Variants in PRKN observed in about 807,000 individuals in gnomAD.
PRKN encodes parkin RBR E3 ubiquitin protein ligase, also known as E3 ubiquitin-protein ligase parkin.
Under a neutral mutation model 59.5 loss-of-function variants are expected in PRKN, and 56 were observed. That is an observed-to-expected ratio of 0.94 (90% CI 0.76 to 1.18). PRKN has a LOEUF of 1.18. Ranked by LOEUF, PRKN falls within the 50% of genes most tolerant of loss-of-function variation. The pLI, the probability that PRKN is intolerant of heterozygous loss-of-function variation, is 0.00. For synonymous variants in PRKN, 250 were observed against 222.1 expected (o/e 1.13, Z -1.12); for missense variants, 657 against 596.4 (o/e 1.10, Z -1.06).
rs1787251656 is a variant in PRKN, at chr6:161,405,921, A to G, written c.1084-19044T>C. Reference sequence around the variant, plus strand: ...AAAATGATGCTTTTCTTTGCTGAAGAGGAATGTCAAGTTAATTTCAAGGAT... The same window carrying G: ...AAAATGATGCTTTTCTTTGCTGAAGGGGAATGTCAAGTTAATTTCAAGGAT... On this transcript the variant is annotated intron_variant, in intron 9 of 11. Transcript: ENST00000366898. This position sits in a 1 kb window ranked among gnomAD's most constrained non-coding sequence, Gnocchi z 5.1. Among the ~76,000 whole-genome samples the G allele has an allele frequency of 1.3e-5, 2 of 152,050 alleles. No individual in the cohort carries two copies. Among genetic ancestry groups the G allele is most frequent in the East Asian group, 1.9e-4 (1 of 5,188 alleles).
intron 2 of PRKN, among the ~76,000 whole-genome samples, chr6:162,397,319 G>A (rs1025116136): frequency 2.6e-5 from 4 of 152,032 alleles, no homozygotes; most frequent in African/African-American, 4.8e-5. Context: ...AATTAACTTC[G>A]AGCACCTGGA....
chr6:161,756,635 C>T (rs1267709459), intron 7 of PRKN, among the ~76,000 whole-genome samples: 1 of 150,416 alleles, frequency 6.6e-6, no homozygotes, highest in African/African-American at 2.5e-5. Context: ...GTCTTTATGT[C>T]TTTCTTTTTT....
At chr6:161,993,822 AGCAGAAG>A (rs1325207624) in intron 5 of PRKN, among the ~76,000 whole-genome samples, 2 of 152,184 alleles carry the variant, frequency 1.3e-5, no homozygotes, top group African/African-American at 4.8e-5. Flanking sequence ...TTCCAACCAC[AGCAGAAG>A]GCAAAGGAGA....
At chr6:162,238,971 T>C (rs1562605195) in intron 3 of PRKN, among the ~76,000 whole-genome samples, 1 of 152,164 alleles carries the variant, frequency 6.6e-6, no homozygotes, top group African/African-American at 2.4e-5. Flanking sequence ...GAGACCACCA[T>C]GATCACTGAC....
At chr6:161,647,246 C>A (rs532587649) in intron 7 of PRKN, among the ~76,000 whole-genome samples, 1 of 152,188 alleles carries the variant, frequency 6.6e-6, no homozygotes, top group Non-Finnish European at 1.5e-5. Flanking sequence ...TTGTTTCCAA[C>A]TGTTATCTTC....
chr6:162,060,517 G>C (rs549893344), intron 4 of PRKN, among the ~76,000 whole-genome samples: 1 of 152,146 alleles, frequency 6.6e-6, no homozygotes, highest in Non-Finnish European at 1.5e-5. Context: ...GTAACATGTG[G>C]GTTTTAAAAT....
Position 161,551,831 on chromosome 6 carries a change from G to A in PRKN, c.934-2828C>T, listed in dbSNP as rs1348447153. Among the ~76,000 whole-genome samples the A allele has an allele frequency of 6.6e-6, 1 of 152,184 alleles. No individual in the cohort carries two copies. The highest frequency in any genetic ancestry group is 2.4e-5 in the African/African-American group (1 of 41,450). On this transcript the variant is annotated intron_variant, in intron 8 of 11. Coordinates refer to ENST00000366898, the MANE Select transcript of PRKN (RefSeq NM_004562.3). The surrounding 1 kb of genome is among the most constrained non-coding windows in gnomAD (Gnocchi z 5.2). ...ACTATGCTGAAGGCAGGACTGAGAC[G>A]AGAAGCGCAGATGGACAGTTTAAGC... is the stretch of plus-strand genomic sequence containing the variant.
chr6:162,467,618 A>G (rs945649237), intron 1 of PRKN, among the ~76,000 whole-genome samples: 6 of 152,126 alleles, frequency 3.9e-5, no homozygotes, highest in Non-Finnish European at 8.8e-5. Flanking sequence ...GAATCAGAGC[A>G]ATACTCTCAG....
Position 162,021,158 on chromosome 6 carries a change from AT to A in PRKN, c.618+32932del, listed in dbSNP as rs1562465556. Among the ~76,000 whole-genome samples the A allele has an allele frequency of 6.4e-4, 15 of 23,584 alleles. 1 individual carries two copies. The East Asian group carries it at 7.7e-3, about 12-fold the overall frequency. 15.5% of individuals were successfully genotyped at this position (23,584 alleles called of 152,430 possible). ...TATATATATATATATATATATATAT[AT>A]ATATATAAAATATATGTGTATATAT... On this transcript the variant is annotated intron_variant, in intron 5 of 11. Transcript: ENST00000366898.
intron 9 of PRKN, among the ~76,000 whole-genome samples, chr6:161,516,761 G>A (rs1168556166): frequency 6.5e-5 from 9 of 139,270 alleles, no homozygotes; most frequent in African/African-American, 1.9e-4. Flanking sequence ...TGGGCAGTGC[G>A]GGTTGCAGTG....
At chr6:161,756,357 G>A (rs1436278455) in intron 7 of PRKN, among the ~76,000 whole-genome samples, 15 of 141,846 alleles carry the variant, frequency 1.1e-4, no homozygotes, top group African/African-American at 2.6e-4. Flanking sequence ...AGGGAGAATC[G>A]CTTGAACCTG....
At chr6:161,992,287 C>T (rs1011806943) in intron 5 of PRKN, among the ~76,000 whole-genome samples, 2 of 152,110 alleles carry the variant, frequency 1.3e-5, no homozygotes, top group African/African-American at 4.8e-5. Context: ...TTTAAGTGAA[C>T]TGAGATCGAG....
intron 6 of PRKN, among the ~76,000 whole-genome samples, chr6:161,954,400 A>G (rs371495378): frequency 5.3e-5 from 8 of 152,210 alleles, no homozygotes; most frequent in African/African-American, 1.9e-4. Context: ...TTCGAAGTAC[A>G]GCCAGATGCT....
chr6:162,591,326 G>C (rs946856652), intron 1 of PRKN, among the ~76,000 whole-genome samples: 2 of 151,920 alleles, frequency 1.3e-5, no homozygotes, highest in African/African-American at 2.4e-5. Context: ...GCTTTGCTAA[G>C]TGCTGAGTAT....
chr6:162,395,461 C>A (rs750001120), intron 2 of PRKN, among the ~76,000 whole-genome samples: 1 of 152,160 alleles, frequency 6.6e-6, no homozygotes, highest in African/African-American at 2.4e-5. Context: ...GGAAGTGAAT[C>A]TTCTATCATC....
chr6:162,308,771 G>C (rs943431162), intron 2 of PRKN, among the ~76,000 whole-genome samples: 2 of 152,128 alleles, frequency 1.3e-5, no homozygotes, highest in African/African-American at 2.4e-5. Flanking sequence ...GAATCTTCTA[G>C]TGGTCCTTTA....
At chr6:162,216,536 CAA>C (rs35025497) in intron 3 of PRKN, among the ~76,000 whole-genome samples, 2,094 of 34,710 alleles carry the variant, frequency 0.06, 16 homozygotes, top group African/African-American at 0.15. Context: ...GACTCCGTCT[CAA>C]AAAAAAAAAA....
intron 2 of PRKN, among the ~76,000 whole-genome samples, chr6:162,353,168 G>C (rs887876239): frequency 1.3e-5 from 2 of 152,080 alleles, no homozygotes; most frequent in African/African-American, 4.8e-5. Flanking sequence ...GGTTGATTTA[G>C]TCAGCTTCCC....
intron 2 of PRKN, among the ~76,000 whole-genome samples, chr6:162,440,765 T>C (rs1790012683): frequency 6.6e-6 from 1 of 152,136 alleles, no homozygotes; most frequent in South Asian, 2.1e-4. Context: ...CCATCTTCTT[T>C]TTCTCAGCAG....
Sources: allele counts gnomAD v4.1 joint callset (sites outside exome capture counted in the v4.1 genomes callset), GRCh38; gene constraint gnomAD v4.1.1; non-coding constraint Gnocchi (gnomAD v3.1); transcripts MANE v1.5; gene names NCBI Gene and HGNC (gene_info 2026-07-23, HGNC 2026-07-21).